RBM47: variants seen among roughly 807,000 people sequenced by gnomAD.
The protein encoded by RBM47 is RNA binding motif protein 47.
RBM47 carries 21 observed loss-of-function variants against 47.1 expected under a neutral mutation model. That is an observed-to-expected ratio of 0.45 (90% CI 0.32 to 0.64). RBM47 has a LOEUF of 0.64. Ranked by LOEUF, RBM47 falls within the 30% of genes least tolerant of loss-of-function variation. RBM47 has a pLI of 0.05. For missense variants in RBM47, 708 were observed against 870.9 expected (o/e 0.81, Z 2.35); for synonymous variants, 375 against 361.7 (o/e 1.04, Z -0.42).
rs1290805122 is a variant in RBM47 at position 40,425,166 on chromosome 4, G to C, written c.*738C>G. On this transcript the variant is annotated 3_prime_UTR_variant, in exon 7 of 7. Transcript: ENST00000295971. ...ATGTGGGAGTGGGGGCATGTTTAAG[G>C]CTAAGGCACATGGAGAATGAGCCCC... 1.3e-5 allele frequency: 2 copies of C among 152,746 alleles called. No individual in the cohort carries two copies. The highest frequency in any genetic ancestry group is 1.3e-4 in the Admixed American group (2 of 15,278). 9.5% of individuals were successfully genotyped at this position (152,746 alleles called of 1,614,324 possible).
intron 1 of RBM47, among the ~76,000 whole-genome samples, chr4:40,603,654 G>A (rs1316329682): frequency 6.6e-6 from 1 of 151,386 alleles, no homozygotes; most frequent in Non-Finnish European, 1.5e-5. Flanking sequence ...CCAGGCTTGA[G>A]TGCAATGGCA....
intron 1 of RBM47, among the ~76,000 whole-genome samples, chr4:40,594,322 T>G (rs1159965080): frequency 6.6e-6 from 1 of 152,196 alleles, no homozygotes; most frequent in Non-Finnish European, 1.5e-5. Context: ...AACAGCATGT[T>G]CCAGTGTCTT....
At chr4:40,505,043 C>G (rs554540536) in intron 2 of RBM47, among the ~76,000 whole-genome samples, 52 of 152,220 alleles carry the variant, frequency 3.4e-4, no homozygotes, top group African/African-American at 1.1e-3. Context: ...GCTGGGCTAT[C>G]AGTTAGGCAC....
At chr4:40,532,840 A>C (rs182726191) in intron 2 of RBM47, among the ~76,000 whole-genome samples, 335 of 152,124 alleles carry the variant, frequency 2.2e-3, no homozygotes, top group Non-Finnish European at 4.0e-3. Context: ...TCATAACACC[A>C]CACAAGATCC....
chr4:40,604,089 T>G (rs1735518603), intron 1 of RBM47, among the ~76,000 whole-genome samples: 1 of 152,232 alleles, frequency 6.6e-6, no homozygotes, highest in Non-Finnish European at 1.5e-5. Flanking sequence ...TTCAAGGTCT[T>G]CACCCTTTGG....
chr4:40,425,989 T>A lies in RBM47; in HGVS notation c.1697A>T (p.Tyr566Phe). Residue 566 changes from tyrosine (Y) to phenylalanine (F), a missense_variant, in exon 7 of 7, where the codon TAT becomes TTT. Coordinates refer to ENST00000295971, the MANE Select transcript of RBM47 (RefSeq NM_001098634.2). ...AGGTATGTAGCCTGCGTATCCTCCA[T>A]ACATGGCGGCCGCGGCTGCCGCGTT... is the stretch of plus-strand genomic sequence containing the variant. The part of the protein sequence containing the change: ...QKNAAAAAAM[Y>F]GGYAGYIPQA... The A allele has an allele frequency of 6.2e-7, 1 of 1,614,096 alleles. No individual in the cohort carries two copies. Among genetic ancestry groups the A allele is most frequent in the Non-Finnish European group, 8.5e-7 (1 of 1,180,026 alleles).
intron 1 of RBM47, among the ~76,000 whole-genome samples, chr4:40,574,353 C>T (rs532191480): frequency 2.0e-4 from 31 of 152,226 alleles, no homozygotes; most frequent in African/African-American, 3.9e-4. Flanking sequence ...TTGTTTGATT[C>T]CAGAGAACCT....
At chr4:40,522,112 G>C (rs1299632142) in intron 2 of RBM47, among the ~76,000 whole-genome samples, 1 of 152,180 alleles carries the variant, frequency 6.6e-6, no homozygotes, top group East Asian at 1.9e-4. Flanking sequence ...TGGGTAAGCA[G>C]TCCATTCAAA....
Position 40,425,824 on chromosome 4 carries a change from C to A in RBM47, c.*80G>T, listed in dbSNP as rs1714930949. 6.6e-7 allele frequency: 1 copy of A among 1,526,374 alleles called. No individual in the cohort carries two copies. The highest frequency in any genetic ancestry group is 1.4e-5 in the African/African-American group (1 of 72,886). The allele number at this position is 1,526,374 out of a possible 1,614,324, so 94.6% of individuals were successfully genotyped here. A position where few individuals can be genotyped will look rare whatever the true frequency, so the allele number is the denominator to read the frequency against. ...CACTTTCAGGTTGCATGTGTGAATC[C>A]AACATGTTCCTTCTTCATAAATAGT... On this transcript the variant is annotated 3_prime_UTR_variant, in exon 7 of 7. Coordinates refer to ENST00000295971, the MANE Select transcript of RBM47 (RefSeq NM_001098634.2).
chr4:40,467,932 T>A (rs1718295752), intron 2 of RBM47, among the ~76,000 whole-genome samples: 1 of 152,080 alleles, frequency 6.6e-6, no homozygotes, highest in South Asian at 2.1e-4. Flanking sequence ...TTTAAGGCTA[T>A]CTCTGTCATG....
At chr4:40,618,702 G>C (rs1381297174) in intron 1 of RBM47, among the ~76,000 whole-genome samples, 2 of 150,092 alleles carry the variant, frequency 1.3e-5, no homozygotes, top group Non-Finnish European at 3.0e-5. Context: ...CCAGCTACTC[G>C]GGAGGCTGAG....
rs1261803703 is a variant in RBM47 at position 40,424,375 on chromosome 4, A to C, written c.*1529T>G. 6.6e-6 allele frequency: 1 copy of C among 152,618 alleles called. No homozygotes were observed. Among genetic ancestry groups the C allele is most frequent in the Non-Finnish European group, 1.5e-5 (1 of 68,032 alleles). The allele number at this position is 152,618 out of a possible 1,614,324, so 9.5% of individuals were successfully genotyped here. ...AAGTAGATGACAATCTTAACATTTT[A>C]CTGTATTTTACATTCACTCTGCTAA... is the stretch of plus-strand genomic sequence containing the variant. On this transcript the variant is annotated 3_prime_UTR_variant, in exon 7 of 7. Transcript: ENST00000295971.
intron 1 of RBM47, among the ~76,000 whole-genome samples, chr4:40,600,999 A>AAAAAAAAAAAAAAAAGAAAG (rs1338188731): frequency 3.4e-5 from 5 of 147,278 alleles, no homozygotes; most frequent in African/African-American, 1.1e-4. Context: ...AAAAAAAAAA[A>AAAAAAAAAAAAAAAAGAAAG]AAAGAAAGAA....
chr4:40,473,260 G>C (rs1719168455), intron 2 of RBM47, among the ~76,000 whole-genome samples: 1 of 152,296 alleles, frequency 6.6e-6, no homozygotes, highest in East Asian at 1.9e-4. Flanking sequence ...TTCTGGAGAT[G>C]CCAGAACTGA....
chr4:40,468,526 C>A (rs1022952769), intron 2 of RBM47, among the ~76,000 whole-genome samples: 9 of 152,086 alleles, frequency 5.9e-5, no homozygotes, highest in Admixed American at 2.0e-4. Context: ...GTGGAGACAC[C>A]GTAAGACCTT....
At chr4:40,618,702 G>A (rs1381297174) in intron 1 of RBM47, among the ~76,000 whole-genome samples, 5 of 150,212 alleles carry the variant, frequency 3.3e-5, no homozygotes, top group East Asian at 2.0e-4. Flanking sequence ...CCAGCTACTC[G>A]GGAGGCTGAG....
chr4:40,465,005 T>C (rs1275961988), intron 3 of RBM47, among the ~76,000 whole-genome samples: 3 of 151,748 alleles, frequency 2.0e-5, no homozygotes, highest in East Asian at 1.9e-4. Context: ...TATGGGTAGA[T>C]TTTGTTACAT....
chr4:40,488,044 G>A (rs1721354694), intron 2 of RBM47, among the ~76,000 whole-genome samples: 1 of 152,068 alleles, frequency 6.6e-6, no homozygotes, highest in African/African-American at 2.4e-5. Context: ...GAGAGAGGCT[G>A]GGCACGGTGG....
chr4:40,496,381 G>GA (rs1376535396), intron 2 of RBM47, among the ~76,000 whole-genome samples: 4 of 151,336 alleles, frequency 2.6e-5, no homozygotes, highest in Non-Finnish European at 5.9e-5. Flanking sequence ...GAAAAACCTA[G>GA]AATCTTTGTA....
Sources: allele counts gnomAD v4.1 joint callset (sites outside exome capture counted in the v4.1 genomes callset), GRCh38; gene constraint gnomAD v4.1.1; transcripts MANE v1.5; gene names NCBI Gene and HGNC (gene_info 2026-07-23, HGNC 2026-07-21).